PPP2R3B: variants seen among roughly 807,000 people sequenced by gnomAD.
The protein encoded by PPP2R3B is protein phosphatase 2 regulatory subunit B''beta.
Under a neutral mutation model 72.9 loss-of-function variants are expected in PPP2R3B, and 68 were observed. That is an observed-to-expected ratio of 0.93 (90% CI 0.77 to 1.14). The LOEUF is 1.14. Ranked by LOEUF, PPP2R3B falls within the 50% of genes most tolerant of loss-of-function variation. PPP2R3B has a pLI of 0.00. For missense variants in PPP2R3B, 1,018 were observed against 842.0 expected (o/e 1.21, Z -2.59); for synonymous variants, 466 against 375.8 (o/e 1.24, Z -2.78).
chrX:360,561 C>G (rs2124188217), intron 2 of PPP2R3B, among the ~76,000 whole-genome samples: 1 of 152,262 alleles, frequency 6.6e-6, no homozygotes, highest in East Asian at 1.9e-4. Context: ...AAACAAAAAC[C>G]TGCTCACTCC....
chrX:361,701 T>G, intron 1 of PPP2R3B, 111 bp from the exon 2 acceptor site: 3 of 1,273,272 alleles, frequency 2.4e-6, no homozygotes, highest in Non-Finnish European at 3.3e-6. Flanking sequence ...GGCCACCTGA[T>G]CCCAGCCGGG....
rs1471830883 is a variant in PPP2R3B, at chrX:338,783, G to C, written c.1465C>G (p.Leu489Val). Reference protein sequence around the residue: ...DHEQKEQISLLRDGDSGGPEL... With the variant: ...DHEQKEQISLVRDGDSGGPEL... The stretch of plus-strand genomic sequence containing the variant: ...CGCGTGCCCGCCGCACTCACCCTGA[G>C]CAGGGAGATCTGCTCTTTCTGCTCG... The change falls in exon 11 of 13, where the codon CTC becomes GTC. Residue 489 changes from leucine (L) to valine (V), a missense_variant. By Grantham distance (32) the Leu-to-Val change is conservative. Coordinates refer to ENST00000390665, the MANE Select transcript of PPP2R3B (RefSeq NM_013239.5). The C allele has an allele frequency of 1.1e-5, 17 of 1,612,290 alleles. No individual in the cohort carries two copies. The highest frequency in any genetic ancestry group is 1.4e-5 in the Non-Finnish European group (16 of 1,179,674).
At chrX:349,759 G>A (rs2071290135) in intron 2 of PPP2R3B, among the ~76,000 whole-genome samples, 1 of 152,196 alleles carries the variant, frequency 6.6e-6, no homozygotes, top group East Asian at 1.9e-4. Context: ...TCAAGAGCAT[G>A]AAAAATCAAC....
intron 7 of PPP2R3B, chrX:345,188 C>T (rs1569384563): frequency 1.7e-6 from 1 of 581,280 alleles, no homozygotes; most frequent in African/African-American, 1.8e-5. Context: ...GGCGTGTGGC[C>T]TGCCCGCCCT....
chrX:386,819 G>C lies in PPP2R3B; in HGVS notation c.-128C>G, dbSNP rs1409917329. 2.3e-6 allele frequency: 1 copy of C among 443,882 alleles called. No homozygotes were observed. Among genetic ancestry groups the C allele is most frequent in the African/African-American group, 2.1e-5 (1 of 47,462 alleles). 27.5% of individuals were successfully genotyped at this position (443,882 alleles called of 1,614,324 possible). A position where few individuals can be genotyped will look rare whatever the true frequency, so the allele number is the denominator to read the frequency against. ...CTGAGGGGGCGCGGCGCAGGGAACA[G>C]GGCCCGCGCCTCGGGAACTGCGCGG... On this transcript the variant is annotated 5_prime_UTR_variant, in exon 1 of 13. Coordinates refer to ENST00000390665, the MANE Select transcript of PPP2R3B (RefSeq NM_013239.5).
chrX:341,656 ACCTGGGG>A (rs1419845739), intron 8 of PPP2R3B: 113 of 651,414 alleles, frequency 1.7e-4, no homozygotes, highest in Non-Finnish European at 2.7e-4. Context: ...AGAACCCCCG[ACCTGGGG>A]CCTGGGCCAC....
intron 2 of PPP2R3B, among the ~76,000 whole-genome samples, chrX:354,394 G>A (rs1254714160): frequency 6.6e-6 from 1 of 150,424 alleles, no homozygotes; most frequent in Admixed American, 6.6e-5. Flanking sequence ...AACAGGGACC[G>A]GGGGCTCACC....
At chrX:385,753 A>G (rs2072233609) in intron 1 of PPP2R3B, among the ~76,000 whole-genome samples, 1 of 152,202 alleles carries the variant, frequency 6.6e-6, no homozygotes, top group South Asian at 2.1e-4. Flanking sequence ...CCTAGGAGAC[A>G]GAGCAAGACC....
At chrX:363,754 G>A (rs1482829187) in intron 1 of PPP2R3B, among the ~76,000 whole-genome samples, 8 of 146,834 alleles carry the variant, frequency 5.4e-5, no homozygotes, top group African/African-American at 1.5e-4. Flanking sequence ...CCCGTCTCTC[G>A]CTGTGGGGGT....
rs770121143 is a variant in PPP2R3B at position 345,463 on chromosome X, G to A, written c.1036+53C>T. 9.3e-6 allele frequency: 15 copies of A among 1,608,308 alleles called. No individual in the cohort carries two copies. The African/African-American group carries it at 1.3e-4, about 14-fold the overall frequency. On this transcript the variant is annotated intron_variant, in intron 7 of 12. Transcript: ENST00000390665. ...AGCTGCAGACCCGCAGGCCCTGAGA[G>A]AAGGGTGTGCTCGGTGTCCGCGCGG...
intron 1 of PPP2R3B, among the ~76,000 whole-genome samples, chrX:375,710 C>T (rs1430842471): frequency 1.3e-5 from 2 of 152,196 alleles, no homozygotes; most frequent in African/African-American, 4.8e-5. Flanking sequence ...GAGCCAACCT[C>T]CTGTGATCTC....
At position 354,172 on chromosome X, in the gene PPP2R3B, A is replaced by G. The variant is rs771040859; in HGVS notation, c.511-6479T>C. Among the ~76,000 whole-genome samples the G allele has an allele frequency of 1.9e-3, 164 of 86,056 alleles. 4 individuals are homozygous for G. The highest frequency in any genetic ancestry group is 2.8e-3 in the Admixed American group (19 of 6,862). The allele number at this position is 86,056 out of a possible 152,430, so 56.5% of individuals were successfully genotyped here. On this transcript the variant is annotated intron_variant, in intron 2 of 12. Coordinates refer to ENST00000390665, the MANE Select transcript of PPP2R3B (RefSeq NM_013239.5). ...AACACCGGGGGCTCACCCAGGGACT[A>G]GGGGCTCACCCAAACACCGGGGGCT...
chrX:369,884 G>A (rs867186701), intron 1 of PPP2R3B, among the ~76,000 whole-genome samples: 21 of 152,228 alleles, frequency 1.4e-4, no homozygotes, highest in Non-Finnish European at 2.4e-4. Context: ...AGCGGGAGGC[G>A]GAAGCACGGG....
intron 7 of PPP2R3B, among the ~76,000 whole-genome samples, chrX:343,805 C>G (rs1244356215): frequency 5.2e-4 from 3 of 5,766 alleles, no homozygotes; most frequent in African/African-American, 7.0e-4. Context: ...ACCAAGGAGA[C>G]GCGGGAGTGA....
rs368688700 is a variant in PPP2R3B, at chrX:340,754, C to A, written c.1351+11G>T. ...CCCCTCACCCTGGGCCATGCCCTCACGGGGCATCACCTTCAGTCCTCGGCT... is the reference window on the plus strand; with the variant it reads ...CCCCTCACCCTGGGCCATGCCCTCAAGGGGCATCACCTTCAGTCCTCGGCT... On this transcript the variant is annotated intron_variant, in intron 10 of 12. Transcript: ENST00000390665. 1 of 1,607,074 alleles carries A rather than the reference C, an allele frequency of 6.2e-7. No individual in the cohort carries two copies. The highest frequency in any genetic ancestry group is 8.5e-7 in the Non-Finnish European group (1 of 1,176,604).
Position 334,411 on chromosome X carries a change from G to A in PPP2R3B, c.1684C>T (p.Leu562=). The A allele has an allele frequency of 2.5e-6, 4 of 1,590,842 alleles. No homozygotes were observed. Among genetic ancestry groups the A allele is most frequent in the Non-Finnish European group, 3.4e-6 (4 of 1,174,520 alleles). The change falls in exon 13 of 13, where the codon CTG becomes TTG. Residue 562 remains leucine (L), a synonymous_variant. Transcript: ENST00000390665. ...EAPSPLGAVD[L]YEYACGDEDL... is the part of the protein sequence containing the mutation. ...TCGTCCCCGCATGCGTACTCGTACA[G>A]GTCCACGGCGCCCAGCGGTGAGGGC...
At chrX:349,418 C>T (rs1279553643) in intron 2 of PPP2R3B, among the ~76,000 whole-genome samples, 2 of 152,176 alleles carry the variant, frequency 1.3e-5, no homozygotes, top group Non-Finnish European at 2.9e-5. Context: ...CTCTACGAAA[C>T]ACCCCAGCTG....
intron 2 of PPP2R3B, among the ~76,000 whole-genome samples, chrX:355,333 G>A (rs1372840659): frequency 7.2e-5 from 11 of 152,208 alleles, no homozygotes; most frequent in Admixed American, 2.6e-4. Context: ...AAGGCGTACT[G>A]AAAGAAGTGA....
At chrX:363,086 G>C (rs1209094006) in intron 1 of PPP2R3B, among the ~76,000 whole-genome samples, 1 of 152,060 alleles carries the variant, frequency 6.6e-6, no homozygotes, top group Non-Finnish European at 1.5e-5. Flanking sequence ...CCGTGACCTG[G>C]GGCAGAGCAG....
Sources: allele counts gnomAD v4.1 joint callset (sites outside exome capture counted in the v4.1 genomes callset), GRCh38; gene constraint gnomAD v4.1.1; transcripts MANE v1.5; gene names NCBI Gene and HGNC (gene_info 2026-07-23, HGNC 2026-07-21).